Variants in POLR1C observed in about 807,000 individuals in gnomAD.
POLR1C encodes the protein DNA-directed RNA polymerases I and III subunit RPAC1.
POLR1C carries 42 observed loss-of-function variants against 38.3 expected under a neutral mutation model. The ratio of observed to expected loss-of-function variants is 1.10; its 90% CI spans 0.86 to 1.42. POLR1C has a LOEUF of 1.42. Ranked by LOEUF, POLR1C falls within the 40% of genes most tolerant of loss-of-function variation. The pLI is 0.00. For missense variants in POLR1C, 507 were observed against 450.5 expected (o/e 1.13, Z -1.14); for synonymous variants, 163 against 163.9 (o/e 0.99, Z 0.04).
chr6:43,560,430 A>C, intron 10 of POLR1C: 1 of 1,214,356 alleles, frequency 8.2e-7, no homozygotes, highest in Non-Finnish European at 1.1e-6. Context: ...AGCTGTCTCT[A>C]CTGCAATTTA....
chr6:43,550,362 T>G (rs961784161), intron 9 of POLR1C, among the ~76,000 whole-genome samples: 1 of 152,178 alleles, frequency 6.6e-6, no homozygotes, highest in Admixed American at 6.5e-5. Flanking sequence ...GTCAAGAAAC[T>G]CACTGGGCAT....
At position 43,539,963 on chromosome 6, in the gene POLR1C, T is replaced by C. The variant is rs1389514157; in HGVS notation, c.*4+10604T>C. On this transcript the variant is annotated intron_variant, in intron 9 of 10. Transcript: ENST00000607635. ...TTTTTAAATATTTTATTTTTAAAAATAGAAGACGGGGCTGGGCACAGTGGC... is the reference window on the plus strand; with the variant it reads ...TTTTTAAATATTTTATTTTTAAAAACAGAAGACGGGGCTGGGCACAGTGGC... 2.0e-5 allele frequency among the ~76,000 whole-genome samples: 3 copies of C among 152,258 alleles called. No homozygotes were observed. The East Asian group carries it at 5.8e-4, about 29-fold the overall frequency.
chr6:43,519,294 GAGC>G (rs199836713), intron 2 of POLR1C, 36 bp from the exon 3 acceptor site: 30,532 of 1,224,738 alleles, frequency 0.025, 495 homozygotes, highest in South Asian at 0.035. Flanking sequence ...ATTACACAGA[GAGC>G]AGATTTCACT....
chr6:43,520,457 G>A, intron 6 of POLR1C, 30 bp downstream of exon 6: 1 of 1,612,678 alleles, frequency 6.2e-7, no homozygotes, highest in South Asian at 1.1e-5. Context: ...TCCTGGGAAG[G>A]GGGATAGTTC....
chr6:43,557,841 A>G (rs906605529), intron 10 of POLR1C, among the ~76,000 whole-genome samples: 3 of 151,102 alleles, frequency 2.0e-5, no homozygotes, highest in African/African-American at 7.3e-5. Flanking sequence ...GCACCTGTAA[A>G]TCCCAGCACT....
chr6:43,517,404 A>G, intron 2 of POLR1C, 27 bp downstream of exon 2: 1 of 1,588,280 alleles, frequency 6.3e-7, no homozygotes, highest in Non-Finnish European at 8.6e-7. Flanking sequence ...TTGTCTGGGG[A>G]GGGTTATGAA....
chr6:43,527,552 C>T (rs1344396913), intron 8 of POLR1C: 21 of 1,394,444 alleles, frequency 1.5e-5, no homozygotes, highest in South Asian at 5.9e-5. Context: ...TTGCATTAGT[C>T]AGGCCTTCAT....
rs183817127 is a variant in POLR1C, at chr6:43,529,447, G to A, written c.*92G>A. The A allele has an allele frequency of 6.9e-4, 221 of 322,310 alleles. 1 individual carries two copies. Among genetic ancestry groups the A allele is most frequent in the South Asian group, 2.7e-3 (109 of 40,866 alleles). The allele number at this position is 322,310 out of a possible 1,614,324, so 20.0% of individuals were successfully genotyped here. Reference sequence around the variant, plus strand: ...CGAGCGCCTGTAGTCCCAGCTACTCGAGAAGCTAAGGCAAGAGAATGGTGT... The same window carrying A: ...CGAGCGCCTGTAGTCCCAGCTACTCAAGAAGCTAAGGCAAGAGAATGGTGT... On this transcript the variant is annotated 3_prime_UTR_variant, in exon 9 of 9. Coordinates refer to the POLR1C transcript ENST00000304004.
chr6:43,526,899 T>C (rs751408891), intron 8 of POLR1C: 21 of 726,034 alleles, frequency 2.9e-5, no homozygotes, highest in Middle Eastern at 3.7e-4. Context: ...GCTTCACCAA[T>C]AGAAATAGAG....
chr6:43,559,231 A>G (rs1434777591), intron 10 of POLR1C, among the ~76,000 whole-genome samples: 1 of 152,214 alleles, frequency 6.6e-6, no homozygotes. Flanking sequence ...CAGGAGGCAG[A>G]GGTTGCAGTG....
rs143680013 is a variant in POLR1C, at chr6:43,541,098, G to C, written c.*5-9870G>C. The stretch of plus-strand genomic sequence containing the variant: ...AGAGTGTAAGGATGGTTAGCAGAGG[G>C]GCTGGGGAGGGTAGTGGTGGGTTAG... On this transcript the variant is annotated intron_variant, in intron 9 of 10. Transcript: ENST00000607635. Among the ~76,000 whole-genome samples the C allele has an allele frequency of 1.2e-3, 176 of 152,246 alleles. No individual in the cohort carries two copies. In the South Asian group the frequency reaches 0.014, roughly 12 times the overall value.
At chr6:43,530,554 C>T, downstream of POLR1C, 1 of 1,066,954 alleles carries the variant, frequency 9.4e-7, no homozygotes, top group Non-Finnish European at 1.3e-6. Context: ...TTTTTAATGA[C>T]ATGATACACT....
At chr6:43,541,956 T>C (rs1017601854) in intron 9 of POLR1C, among the ~76,000 whole-genome samples, 14 of 152,064 alleles carry the variant, frequency 9.2e-5, no homozygotes, top group Non-Finnish European at 4.4e-5. Flanking sequence ...ATTTCTGTAT[T>C]TTTAGTAGAG....
chr6:43,531,929 C>T (rs998598473), downstream of POLR1C, among the ~76,000 whole-genome samples: 4 of 152,094 alleles, frequency 2.6e-5, no homozygotes, highest in African/African-American at 9.7e-5. Flanking sequence ...TTACACAAAA[C>T]ACTAAGATGT....
At chr6:43,526,274 T>C, downstream of POLR1C, 1 of 365,212 alleles carries the variant, frequency 2.7e-6, no homozygotes, top group Admixed American at 4.1e-5. Context: ...GGAGTTTACA[T>C]TCTAACATGG....
At chr6:43,529,162 CA>C (rs1287932961) in intron 8 of POLR1C, 18 of 1,454,744 alleles carry the variant, frequency 1.2e-5, no homozygotes, top group Non-Finnish European at 1.6e-5. Context: ...ACATTATGGT[CA>C]CTGGCCCAAA....
chr6:43,535,735 A>AC (rs1295356566), intron 9 of POLR1C, among the ~76,000 whole-genome samples: 1 of 148,744 alleles, frequency 6.7e-6, no homozygotes, highest in Non-Finnish European at 1.5e-5. Context: ...AATGGCGTGA[A>AC]CCCGGGAGGC....
intron 8 of POLR1C, among the ~76,000 whole-genome samples, chr6:43,528,530 C>T (rs1263087971): frequency 6.6e-6 from 1 of 152,134 alleles, no homozygotes; most frequent in Non-Finnish European, 1.5e-5. Context: ...GGATAACAGA[C>T]CCAGCATTCC....
intron 10 of POLR1C, chr6:43,560,838 A>T: frequency 9.0e-7 from 1 of 1,115,074 alleles, no homozygotes; most frequent in Non-Finnish European, 1.4e-6. Flanking sequence ...CATTTTATAC[A>T]TGATCTACAA....
Sources: allele counts gnomAD v4.1 joint callset (sites outside exome capture counted in the v4.1 genomes callset), GRCh38; gene constraint gnomAD v4.1.1; transcripts MANE v1.5; gene names NCBI Gene and HGNC (gene_info 2026-07-23, HGNC 2026-07-21).